Variants in CALN1 observed in about 807,000 individuals in gnomAD.
CALN1 encodes the protein calcium-binding protein 8.
A neutral mutation model predicts 30.6 loss-of-function variants in CALN1; 17 were observed. The ratio of observed to expected loss-of-function variants is 0.56; its 90% confidence interval spans 0.38 to 0.83. The LOEUF (loss-of-function observed/expected upper bound fraction) is 0.83, where lower values mean the gene tolerates loss of function less well. Ranked by LOEUF, CALN1 falls within the 40% of genes least tolerant of loss-of-function variation. The pLI is 0.00. For missense variants in CALN1, 291 were observed against 354.9 expected, an observed-to-expected ratio of 0.82 and a Z score of 1.45; for synonymous variants, 156 against 131.4, an observed-to-expected ratio of 1.19 and a Z score of -1.28.
intron 2 of CALN1, among the ~76,000 whole-genome samples, chr7:72,314,073 A>G (rs919318446): frequency 6.6e-6 from 1 of 152,174 alleles, no homozygotes; most frequent in African/African-American, 2.4e-5. Flanking sequence ...CTTGGCAGCA[A>G]TGAATAAGAG....
chr7:72,405,077 G>A (rs1806608788), intron 1 of CALN1, among the ~76,000 whole-genome samples: 1 of 152,192 alleles, frequency 6.6e-6, no homozygotes, highest in African/African-American at 2.4e-5. Context: ...CCCAATGGTT[G>A]TGGGATGGAG....
chr7:72,311,231 T>TTAATAACATTTTCTTTTAC (rs755753508), intron 2 of CALN1, among the ~76,000 whole-genome samples: 39 of 152,176 alleles, frequency 2.6e-4, no homozygotes, highest in Non-Finnish European at 3.8e-4. Context: ...TATGGTTTCC[T>TTAATAACATTTTCTTTTAC]TAATAACATT....
chr7:71,962,554 G>C (rs747687821), intron 5 of CALN1, among the ~76,000 whole-genome samples: 3 of 152,216 alleles, frequency 2.0e-5, no homozygotes, highest in African/African-American at 7.2e-5. Context: ...TATAGAGAGT[G>C]AATATTTCCC....
chr7:72,087,705 G>A (rs1805571123), intron 4 of CALN1, among the ~76,000 whole-genome samples: 2 of 152,064 alleles, frequency 1.3e-5, no homozygotes, highest in Non-Finnish European at 2.9e-5. Context: ...AAAAGGCTGA[G>A]GAAAAACATA....
chr7:72,093,903 C>T (rs1806041541), intron 4 of CALN1, among the ~76,000 whole-genome samples: 1 of 152,154 alleles, frequency 6.6e-6, no homozygotes, highest in Non-Finnish European at 1.5e-5. Context: ...AGATTCAGAA[C>T]AGGAATTTTT....
chr7:72,026,718 A>G (rs976040801), intron 4 of CALN1, among the ~76,000 whole-genome samples: 1 of 152,096 alleles, frequency 6.6e-6, no homozygotes, highest in Non-Finnish European at 1.5e-5. Context: ...ACCTGACCTT[A>G]ATAACTTCAT....
intron 4 of CALN1, among the ~76,000 whole-genome samples, chr7:72,051,412 A>G (rs1273739146): frequency 6.6e-6 from 1 of 152,196 alleles, no homozygotes; most frequent in African/African-American, 2.4e-5. Context: ...AGATTTAAGA[A>G]AATGCAGAAA....
intron 1 of CALN1, among the ~76,000 whole-genome samples, chr7:72,405,620 C>A (rs971324287): frequency 2.0e-5 from 3 of 152,132 alleles, no homozygotes; most frequent in African/African-American, 7.2e-5. Flanking sequence ...ACGCCCACTT[C>A]CCCACACACG....
intron 4 of CALN1, among the ~76,000 whole-genome samples, chr7:72,054,616 T>C (rs1424117699): frequency 1.3e-5 from 2 of 150,146 alleles, no homozygotes; most frequent in Admixed American, 6.7e-5. Context: ...TGCAGGAACA[T>C]GAATGGAGCT....
At chr7:72,502,031 C>T in the CALN1 span, among the ~76,000 whole-genome samples, 1 of 134,784 alleles carries the variant, frequency 7.4e-6, no homozygotes, top group Non-Finnish European at 1.5e-5. Context: ...TTTAAATGAT[C>T]TAAGTAAACG....
At chr7:72,269,015 C>A (rs1473556958) in intron 3 of CALN1, among the ~76,000 whole-genome samples, 1 of 152,150 alleles carries the variant, frequency 6.6e-6, no homozygotes, top group Non-Finnish European at 1.5e-5. Flanking sequence ...TGACAAGCCC[C>A]ATGCTCGCCC....
intron 3 of CALN1, among the ~76,000 whole-genome samples, chr7:72,160,267 T>C (rs1788004632): frequency 7.2e-6 from 1 of 139,204 alleles, no homozygotes; most frequent in Non-Finnish European, 1.5e-5. Context: ...AGAACACTAT[T>C]TATTTTCTTT....
chr7:72,295,443 T>C (rs1166656954), intron 2 of CALN1, among the ~76,000 whole-genome samples: 3 of 152,022 alleles, frequency 2.0e-5, no homozygotes, highest in East Asian at 3.9e-4. Flanking sequence ...AATCTGTAAA[T>C]TGCCTTGGGC....
intron 5 of CALN1, among the ~76,000 whole-genome samples, chr7:71,850,814 T>A (rs2116585630): frequency 6.6e-6 from 1 of 152,316 alleles, no homozygotes; most frequent in South Asian, 2.1e-4. Context: ...TGAATTTTGT[T>A]TACTACTATC....
chr7:72,390,651 C>A (rs1805521252), intron 2 of CALN1, among the ~76,000 whole-genome samples: 1 of 152,126 alleles, frequency 6.6e-6, no homozygotes, highest in Non-Finnish European at 1.5e-5. Context: ...ATTAGCAATG[C>A]CCGACTGTGC....
At chr7:72,343,689 G>T (rs888078332) in intron 2 of CALN1, among the ~76,000 whole-genome samples, 3 of 152,192 alleles carry the variant, frequency 2.0e-5, no homozygotes, top group Admixed American at 2.0e-4. Context: ...GCAGAGACAG[G>T]TTAATTGAAG....
intron 4 of CALN1, among the ~76,000 whole-genome samples, chr7:72,053,970 A>G (rs879090573): frequency 6.6e-6 from 1 of 152,100 alleles, no homozygotes; most frequent in African/African-American, 2.4e-5. Context: ...CTGTTAATTC[A>G]TTCCTTTTTT....
chr7:72,407,064 G>C lies in CALN1; in HGVS notation c.-73-3622C>G, dbSNP rs192854533. Among the ~76,000 whole-genome samples, 3 of 152,240 alleles carry C rather than the reference G, an allele frequency of 2.0e-5. No individual in the cohort carries two copies. The South Asian group carries it at 6.2e-4, about 32-fold the overall frequency. On this transcript the variant is annotated intron_variant, in intron 1 of 6. Transcript: ENST00000395275. ...AAAAGTGATGTAGCCCTGGGTCTACGCTTTGAGTACTCTATCACCTGCATC... is the reference window on the plus strand; with the variant it reads ...AAAAGTGATGTAGCCCTGGGTCTACCCTTTGAGTACTCTATCACCTGCATC...
At chr7:72,135,562 A>G (rs1809450965) in intron 3 of CALN1, among the ~76,000 whole-genome samples, 1 of 152,206 alleles carries the variant, frequency 6.6e-6, no homozygotes, top group African/African-American at 2.4e-5. Context: ...GTATTTCTCA[A>G]CAGTGAGCTT....
Sources: allele counts gnomAD v4.1 joint callset (sites outside exome capture counted in the v4.1 genomes callset), GRCh38; gene constraint gnomAD v4.1.1; transcripts MANE v1.5; gene names NCBI Gene and HGNC (gene_info 2026-07-23, HGNC 2026-07-21).